PIBF1: variants seen among roughly 807,000 people sequenced by gnomAD.
PIBF1 encodes the protein progesterone-induced-blocking factor 1.
Under a neutral mutation model 112.5 loss-of-function variants are expected in PIBF1, and 90 were observed. The observed-to-expected ratio is 0.80, with a 90% CI of 0.67 to 0.95. The LOEUF is 0.95. Among genes scored for constraint, PIBF1 ranks in the 40% least tolerant of loss-of-function variants. The pLI is 0.00. For missense variants in PIBF1, 915 were observed against 852.3 expected, an observed-to-expected ratio of 1.07 and a Z score of -0.92; for synonymous variants, 301 against 288.6, an observed-to-expected ratio of 1.04 and a Z score of -0.44.
At chr13:72,949,874 C>G (rs868749555) in intron 14 of PIBF1, among the ~76,000 whole-genome samples, 5 of 151,980 alleles carry the variant, frequency 3.3e-5, no homozygotes, top group Middle Eastern at 6.8e-3. Context: ...CTTATGGAAG[C>G]CTTCATGAAA....
intron 14 of PIBF1, among the ~76,000 whole-genome samples, chr13:72,940,317 A>G (rs1211230267): frequency 6.6e-6 from 1 of 151,668 alleles, no homozygotes; most frequent in Non-Finnish European, 1.5e-5. Flanking sequence ...TCCAGTTTTT[A>G]TCTCAGATAT....
At chr13:72,801,628 T>A (rs2035479317) in intron 5 of PIBF1, among the ~76,000 whole-genome samples, 1 of 151,788 alleles carries the variant, frequency 6.6e-6, no homozygotes, top group Non-Finnish European at 1.5e-5. Flanking sequence ...AGCCTCCTCC[T>A]GGCTATTCTG....
At chr13:72,937,206 C>T (rs986848944) in intron 14 of PIBF1, among the ~76,000 whole-genome samples, 1 of 151,958 alleles carries the variant, frequency 6.6e-6, no homozygotes, top group Non-Finnish European at 1.5e-5. Context: ...CTAATGTTTT[C>T]TGTTTGGCCC....
At chr13:72,876,414 T>C (rs9564929) in intron 10 of PIBF1, among the ~76,000 whole-genome samples, 41,032 of 151,926 alleles carry the variant, frequency 0.27, 6,736 homozygotes, top group East Asian at 0.48. Context: ...TTGGCTATTC[T>C]GGGTCTTTTG....
chr13:72,885,932 T>C (rs1445976964), intron 10 of PIBF1, among the ~76,000 whole-genome samples: 1 of 152,174 alleles, frequency 6.6e-6, no homozygotes, highest in African/African-American at 2.4e-5. Flanking sequence ...AGGAGTTTTT[T>C]GGAGTATTCC....
intron 10 of PIBF1, among the ~76,000 whole-genome samples, chr13:72,858,407 C>CT (rs2038541141): frequency 2.6e-5 from 4 of 152,168 alleles, no homozygotes; most frequent in Admixed American, 2.6e-4. Context: ...TGCAGGTATA[C>CT]TTGCTAGGTT....
chr13:72,795,287 A>G (rs1035968349), intron 3 of PIBF1, 72 bp from the exon 4 acceptor site: 3 of 923,814 alleles, frequency 3.2e-6, no homozygotes, highest in African/African-American at 3.4e-5. Context: ...TGTTGATATA[A>G]ATAGGAAACT....
chr13:72,927,843 T>A (rs555076384), intron 13 of PIBF1, among the ~76,000 whole-genome samples: 7 of 149,720 alleles, frequency 4.7e-5, no homozygotes, highest in Non-Finnish European at 1.0e-4. Context: ...TTTTATATTA[T>A]CTTTTGTTCT....
intron 2 of PIBF1, among the ~76,000 whole-genome samples, chr13:72,788,575 A>G (rs1303726386): frequency 1.3e-5 from 2 of 152,192 alleles, no homozygotes; most frequent in African/African-American, 4.8e-5. Flanking sequence ...GTACATGTAA[A>G]AGGTGGTAAT....
chr13:72,827,185 A>G, intron 7 of PIBF1, 67 bp downstream of exon 7: 1 of 626,364 alleles, frequency 1.6e-6, no homozygotes, highest in Non-Finnish European at 2.5e-6. Context: ...AGCCCAGAGT[A>G]GATTTGAAGG....
chr13:72,968,527 C>CT (rs1437627443), intron 15 of PIBF1, among the ~76,000 whole-genome samples: 1 of 151,790 alleles, frequency 6.6e-6, no homozygotes, highest in Admixed American at 6.6e-5. Context: ...TCTTGAACTC[C>CT]TGACCTCAAA....
At chr13:72,856,735 C>A (rs1259982125) in intron 10 of PIBF1, among the ~76,000 whole-genome samples, 1 of 152,106 alleles carries the variant, frequency 6.6e-6, no homozygotes, top group African/African-American at 2.4e-5. Flanking sequence ...CTGGTTAGGA[C>A]TGTAATGTTG....
chr13:72,859,872 C>G (rs1413252433), intron 10 of PIBF1, among the ~76,000 whole-genome samples: 1 of 152,142 alleles, frequency 6.6e-6, no homozygotes, highest in Non-Finnish European at 1.5e-5. Flanking sequence ...ATGGCCATAA[C>G]TGCAAAAAGA....
At chr13:72,860,308 GGTGTGTGTGTGTGTGTGT>G (rs3219561) in intron 10 of PIBF1, among the ~76,000 whole-genome samples, 24 of 143,246 alleles carry the variant, frequency 1.7e-4, no homozygotes, top group African/African-American at 5.6e-4. Context: ...TTTTTTTAGG[GGTGTGTGTGTGTGTGTGT>G]GTGTGTGTGT....
At chr13:72,805,937 A>G (rs1488552209) in intron 5 of PIBF1, among the ~76,000 whole-genome samples, 3 of 152,264 alleles carry the variant, frequency 2.0e-5, no homozygotes, top group Admixed American at 1.3e-4. Context: ...GAGTGGTACA[A>G]ATGGACAAAT....
chr13:72,908,765 G>T, intron 12 of PIBF1, 84 bp downstream of exon 12: 3 of 1,297,768 alleles, frequency 2.3e-6, no homozygotes, highest in Non-Finnish European at 3.2e-6. Context: ...AAACTACTTT[G>T]GGATCAGGCA....
At position 72,988,023 on chromosome 13, in the gene PIBF1, C is replaced by T. The variant is rs553642318; in HGVS notation, c.2050-10799C>T. Among the ~76,000 whole-genome samples the T allele has an allele frequency of 7.2e-4, 108 of 150,868 alleles. 1 individual carries two copies. Among genetic ancestry groups the T allele is most frequent in the African/African-American group, 2.6e-3 (107 of 41,100 alleles). ...GACTACAGGCGCATGCCACCAGGCC[C>T]GGCTAATTTTTGTATTTTTAGTAGA... On this transcript the variant is annotated intron_variant, in intron 16 of 17. Transcript: ENST00000326291.
At chr13:72,935,175 G>A (rs141045172) in intron 14 of PIBF1, among the ~76,000 whole-genome samples, 173 of 152,144 alleles carry the variant, frequency 1.1e-3, no homozygotes, top group African/African-American at 3.8e-3. Flanking sequence ...TAGTAGAGGC[G>A]GGGTTTCACT....
At chr13:72,922,790 A>G (rs900016936) in intron 13 of PIBF1, among the ~76,000 whole-genome samples, 14 of 152,102 alleles carry the variant, frequency 9.2e-5, no homozygotes, top group Admixed American at 2.6e-4. Context: ...TACTCATTTC[A>G]TTTGGGATGG....
Sources: allele counts gnomAD v4.1 joint callset (sites outside exome capture counted in the v4.1 genomes callset), GRCh38; gene constraint gnomAD v4.1.1; transcripts MANE v1.5; gene names NCBI Gene and HGNC (gene_info 2026-07-23, HGNC 2026-07-21).